ITPR1: variants seen among roughly 807,000 people sequenced by gnomAD.
ITPR1 encodes inositol 1,4,5-trisphosphate-gated calcium channel ITPR1.
A neutral mutation model predicts 318.4 loss-of-function variants in ITPR1; 96 were observed. The ratio of observed to expected loss-of-function variants is 0.30; its 90% CI spans 0.26 to 0.36. The LOEUF (loss-of-function observed/expected upper bound fraction) is 0.36, where lower values mean the gene tolerates loss of function less well. Among genes scored for constraint, ITPR1 ranks in the 10% least tolerant of loss-of-function variants. The pLI is 1.00. For synonymous variants in ITPR1, 1,312 were observed against 1,289.9 expected, an observed-to-expected ratio of 1.02 and a Z score of -0.37; for missense variants, 2,440 against 3,460.2, an observed-to-expected ratio of 0.71 and a Z score of 7.40.
intron 44 of ITPR1, among the ~76,000 whole-genome samples, chr3:4,739,366 C>T (rs1164223145): frequency 6.6e-6 from 1 of 152,150 alleles, no homozygotes; most frequent in Non-Finnish European, 1.5e-5. Context: ...GGTCTGTGGT[C>T]AGCTGGCCTT....
intron 57 of ITPR1, 142 bp from the exon 58 acceptor site, chr3:4,814,281 T>C: frequency 1.1e-6 from 1 of 930,394 alleles, no homozygotes; most frequent in Admixed American, 2.0e-5. Context: ...TGAAAGAAAA[T>C]AAGAAAATTC....
At chr3:4,581,285 G>A (rs753316991) in intron 4 of ITPR1, among the ~76,000 whole-genome samples, 12 of 152,214 alleles carry the variant, frequency 7.9e-5, no homozygotes, top group Non-Finnish European at 5.9e-5. Context: ...GTCCTCTTCA[G>A]AAGGCGGTCT....
chr3:4,606,403 A>G (rs2091704722), intron 4 of ITPR1, among the ~76,000 whole-genome samples: 1 of 152,176 alleles, frequency 6.6e-6, no homozygotes, highest in South Asian at 2.1e-4. Flanking sequence ...ACCAAAAGGT[A>G]TCTGAGGCAG....
At chr3:4,582,828 G>A (rs961214213) in intron 4 of ITPR1, among the ~76,000 whole-genome samples, 2 of 152,156 alleles carry the variant, frequency 1.3e-5, no homozygotes, top group South Asian at 2.1e-4. Context: ...TATGGAATGT[G>A]TTCTCCTTCT....
At chr3:4,692,018 G>GT (rs1220864724) in intron 32 of ITPR1, among the ~76,000 whole-genome samples, 1 of 152,128 alleles carries the variant, frequency 6.6e-6, no homozygotes, top group Non-Finnish European at 1.5e-5. Context: ...GCTGGGTGTA[G>GT]TGGCATGTGC....
intron 4 of ITPR1, among the ~76,000 whole-genome samples, chr3:4,593,214 A>G (rs757794009): frequency 5.3e-5 from 8 of 152,162 alleles, no homozygotes; most frequent in Non-Finnish European, 1.2e-4. Context: ...GTCTAACAAT[A>G]CCTGTTGTTG....
In ITPR1 at chr3:4,847,449, TAA is replaced by T. The variant is rs1291913386; in HGVS notation, c.*1226_*1227del. 2 of 149,170 alleles carry T rather than the reference TAA, an allele frequency of 1.3e-5. No individual in the cohort carries two copies. Among genetic ancestry groups the T allele is most frequent in the Admixed American group, 6.7e-5 (1 of 14,934 alleles). 9.2% of individuals were successfully genotyped at this position (149,170 alleles called of 1,614,324 possible). ...ATTGAAAGCAGAGTTCTGAAATGAG[TAA>T]AGTTTGTAAATGCATATATAAAAAT... On this transcript the variant is annotated 3_prime_UTR_variant, in exon 62 of 62. Coordinates refer to ENST00000649015, the MANE Select transcript of ITPR1 (RefSeq NM_001378452.1).
chr3:4,770,614 G>T (rs3792501), intron 46 of ITPR1, among the ~76,000 whole-genome samples: 1 of 152,026 alleles, frequency 6.6e-6, no homozygotes, highest in African/African-American at 2.4e-5. Flanking sequence ...GCCCATTTCA[G>T]CCTGTGGTGC....
intron 44 of ITPR1, among the ~76,000 whole-genome samples, chr3:4,744,811 T>C (rs1439395276): frequency 1.3e-5 from 2 of 152,186 alleles, no homozygotes; most frequent in East Asian, 1.9e-4. Flanking sequence ...CCAAGATATG[T>C]TGGCCACTTA....
intron 7 of ITPR1, among the ~76,000 whole-genome samples, chr3:4,643,038 T>A (rs1222534849): frequency 2.0e-5 from 3 of 152,246 alleles, no homozygotes; most frequent in Non-Finnish European, 4.4e-5. Context: ...CATTTAAATT[T>A]ACAAGCTTTG....
intron 60 of ITPR1, among the ~76,000 whole-genome samples, chr3:4,832,095 T>G (rs1057091324): frequency 2.0e-5 from 3 of 152,248 alleles, no homozygotes; most frequent in Non-Finnish European, 4.4e-5. Context: ...GGATGATTAT[T>G]TAATTAAAAC....
intron 17 of ITPR1, among the ~76,000 whole-genome samples, chr3:4,666,506 A>G (rs910021141): frequency 7.9e-5 from 12 of 152,200 alleles, no homozygotes; most frequent in African/African-American, 2.9e-4. Flanking sequence ...GAATTGCTGG[A>G]TTAGACATCT....
intron 4 of ITPR1, among the ~76,000 whole-genome samples, chr3:4,619,367 C>T (rs1202406377): frequency 6.6e-6 from 1 of 152,026 alleles, no homozygotes; most frequent in African/African-American, 2.4e-5. Context: ...CCTGAATTTC[C>T]TCTTGTATTG....
chr3:4,630,857 G>A (rs1179624921), intron 5 of ITPR1, among the ~76,000 whole-genome samples: 2 of 152,062 alleles, frequency 1.3e-5, no homozygotes, highest in African/African-American at 4.8e-5. Flanking sequence ...AAAGTGCTGG[G>A]ATTATAGGGG....
chr3:4,644,350 C>T, intron 8 of ITPR1, 116 bp downstream of exon 8: 1 of 675,198 alleles, frequency 1.5e-6, no homozygotes, highest in Non-Finnish European at 2.6e-6. Context: ...GCAGGGTGCC[C>T]ATTCTGCAGG....
intron 35 of ITPR1, among the ~76,000 whole-genome samples, chr3:4,701,190 G>A (rs1027622429): frequency 6.6e-6 from 1 of 152,182 alleles, no homozygotes; most frequent in Admixed American, 6.5e-5. Context: ...AGGGTTCAGT[G>A]GAATTCATCT....
At chr3:4,801,324 A>G (rs1282173036) in intron 54 of ITPR1, among the ~76,000 whole-genome samples, 2 of 152,190 alleles carry the variant, frequency 1.3e-5, no homozygotes, top group Non-Finnish European at 2.9e-5. Flanking sequence ...TGGAAGTGAT[A>G]TCGCAAAATA....
chr3:4,660,162 C>G (rs1444625592), intron 13 of ITPR1, among the ~76,000 whole-genome samples: 1 of 152,122 alleles, frequency 6.6e-6, no homozygotes, highest in Non-Finnish European at 1.5e-5. Context: ...GGTTTTAGAT[C>G]TTTGGAATAT....
rs557325974 is a variant in ITPR1, at chr3:4,779,889, A to G, written c.6387+244A>G. Among the ~76,000 whole-genome samples, 35 of 149,878 alleles carry G rather than the reference A, an allele frequency of 2.3e-4. No homozygotes were observed. Among genetic ancestry groups the G allele is most frequent in the African/African-American group, 6.4e-4 (26 of 40,940 alleles). ...CACTATTACTTTTGCCGTTGAAAGT[A>G]ATGGCAAAAACCGCGATTACTTTTG... is the stretch of plus-strand genomic sequence containing the variant. On this transcript the variant is annotated intron_variant, in intron 49 of 61. Transcript: ENST00000649015. This position sits in a 1 kb window ranked among gnomAD's most constrained non-coding sequence, Gnocchi z 4.0.
Sources: gnomAD v4.1 joint callset for allele counts (sites outside exome capture counted in the v4.1 genomes callset) on GRCh38, gnomAD v4.1.1 for gene constraint, Gnocchi (gnomAD v3.1) non-coding constraint, MANE v1.5 for transcripts, NCBI Gene and HGNC (gene_info 2026-07-23, HGNC 2026-07-21) for gene names.